Variants in FAM24B observed in about 807,000 individuals in gnomAD.
FAM24B encodes the protein protein FAM24B.
A neutral mutation model predicts 2.3 loss-of-function variants in FAM24B; 3 were observed. That is an observed-to-expected ratio of 1.29 (90% CI 0.59 to 3.32). The LOEUF is 3.32. FAM24B is among the 30% of genes most tolerant of loss of function. The pLI, the probability that FAM24B is intolerant of heterozygous loss-of-function variation, is 0.03. For synonymous variants in FAM24B, 36 were observed against 46.3 expected, an observed-to-expected ratio of 0.78 and a Z score of 0.90; for missense variants, 98 against 117.2, an observed-to-expected ratio of 0.84 and a Z score of 0.76.
chr10:122,853,531 T>C (rs922946249), intron 2 of FAM24B, among the ~76,000 whole-genome samples: 1 of 152,154 alleles, frequency 6.6e-6, no homozygotes, highest in Non-Finnish European at 1.5e-5. Flanking sequence ...TCCACCTCTC[T>C]CCCTCCCGTG....
intron 2 of FAM24B, among the ~76,000 whole-genome samples, chr10:122,852,568 T>G (rs1033764735): frequency 6.6e-6 from 1 of 152,150 alleles, no homozygotes; most frequent in Non-Finnish European, 1.5e-5. Context: ...ATAAAAGTCA[T>G]GAAATTTCAC....
intron 1 of FAM24B, among the ~76,000 whole-genome samples, chr10:122,879,190 T>C (rs111685118): frequency 0.018 from 2,701 of 152,300 alleles, 37 homozygotes; most frequent in Middle Eastern, 0.044. Flanking sequence ...CGCCGTAGGA[T>C]CAGGGAGCAT....
At chr10:122,863,308 T>A (rs912296542) in intron 1 of FAM24B, among the ~76,000 whole-genome samples, 1 of 152,208 alleles carries the variant, frequency 6.6e-6, no homozygotes, top group African/African-American at 2.4e-5. Context: ...TAGGTAATAC[T>A]ATTATCATCC....
At chr10:122,853,131 T>C (rs1480549243) in intron 2 of FAM24B, among the ~76,000 whole-genome samples, 4 of 152,204 alleles carry the variant, frequency 2.6e-5, no homozygotes, top group South Asian at 2.1e-4. Flanking sequence ...TTGTTTTATA[T>C]ATAATGTCCA....
At chr10:122,867,083 A>G (rs1214540775) in intron 1 of FAM24B, among the ~76,000 whole-genome samples, 1 of 152,228 alleles carries the variant, frequency 6.6e-6, no homozygotes, top group Non-Finnish European at 1.5e-5. Flanking sequence ...TGATATGAAT[A>G]AAGTTTTAGT....
At chr10:122,879,612 T>G (rs1010707346), upstream of FAM24B, 1 of 153,050 alleles carries the variant, frequency 6.5e-6, no homozygotes, top group Non-Finnish European at 1.5e-5. Context: ...CTCCAAAGGC[T>G]GAGCGAGGGC....
rs1046757008 is a variant in FAM24B, at chr10:122,855,641, T to A, written c.-36+4A>T. 1 of 152,196 alleles carries A rather than the reference T, an allele frequency of 6.6e-6. No individual in the cohort carries two copies. The highest frequency in any genetic ancestry group is 1.5e-5 in the Non-Finnish European group (1 of 68,040). The allele number at this position is 152,196 out of a possible 1,614,324, so 9.4% of individuals were successfully genotyped here. ...AAGAGAAGTAACAGTTCATCTTATT[T>A]TACCTGCATAAATAATGGCTCCTCT... On this transcript the variant is annotated splice_donor_region_variant and intron_variant, in intron 2 of 3. Coordinates refer to ENST00000368898, the MANE Select transcript of FAM24B (RefSeq NM_152644.3).
At chr10:122,858,615 C>T (rs1279274885) in intron 1 of FAM24B, among the ~76,000 whole-genome samples, 1 of 152,088 alleles carries the variant, frequency 6.6e-6, no homozygotes, top group South Asian at 2.1e-4. Flanking sequence ...CCTGTGCCCA[C>T]AGCAGGAGAT....
intron 1 of FAM24B, among the ~76,000 whole-genome samples, chr10:122,868,139 A>G (rs1847830861): frequency 6.6e-6 from 1 of 152,242 alleles, no homozygotes; most frequent in Non-Finnish European, 1.5e-5. Context: ...GAACTACGTG[A>G]TAAATGCACA....
At chr10:122,876,268 C>T (rs1847975796) in intron 1 of FAM24B, among the ~76,000 whole-genome samples, 1 of 152,214 alleles carries the variant, frequency 6.6e-6, no homozygotes, top group Admixed American at 6.5e-5. Flanking sequence ...CAGCCCCCTG[C>T]AGATTCACTA....
At chr10:122,863,130 C>T (rs940207448) in intron 1 of FAM24B, among the ~76,000 whole-genome samples, 6 of 152,150 alleles carry the variant, frequency 3.9e-5, no homozygotes, top group African/African-American at 1.4e-4. Context: ...GGACATGTAG[C>T]TTTTTGGCCA....
At chr10:122,859,864 C>T (rs1847699518) in intron 1 of FAM24B, among the ~76,000 whole-genome samples, 1 of 152,042 alleles carries the variant, frequency 6.6e-6, no homozygotes, top group Non-Finnish European at 1.5e-5. Flanking sequence ...CTTTATATGC[C>T]TATATTGACT....
intron 3 of FAM24B, among the ~76,000 whole-genome samples, chr10:122,849,906 A>G (rs1847499331): frequency 6.6e-6 from 1 of 152,132 alleles, no homozygotes; most frequent in South Asian, 2.1e-4. Flanking sequence ...CACACGGTTC[A>G]GCTGTCCCTG....
chr10:122,877,015 A>C (rs1373182388), intron 1 of FAM24B, among the ~76,000 whole-genome samples: 5 of 152,194 alleles, frequency 3.3e-5, no homozygotes, highest in African/African-American at 9.7e-5. Flanking sequence ...ATATATAATA[A>C]ACTTCTCTTT....
chr10:122,850,334 G>T, intron 3 of FAM24B, 90 bp downstream of exon 3: 1 of 1,050,982 alleles, frequency 9.5e-7, no homozygotes, highest in Non-Finnish European at 1.5e-6. Context: ...GCTCCAACAG[G>T]AAGCCCAGGT....
intron 1 of FAM24B, among the ~76,000 whole-genome samples, chr10:122,862,327 T>C (rs1847737620): frequency 6.6e-6 from 1 of 152,218 alleles, no homozygotes; most frequent in African/African-American, 2.4e-5. Context: ...AGAATATAAA[T>C]GCCATGACAA....
chr10:122,868,555 G>T (rs532825679), intron 1 of FAM24B, among the ~76,000 whole-genome samples: 1 of 152,184 alleles, frequency 6.6e-6, no homozygotes, highest in East Asian at 1.9e-4. Context: ...TACCCACAAA[G>T]GGAAGCCCAT....
chr10:122,876,500 G>A (rs984166153), intron 1 of FAM24B, among the ~76,000 whole-genome samples: 1 of 152,204 alleles, frequency 6.6e-6, no homozygotes, highest in African/African-American at 2.4e-5. Context: ...GCTCTGAAAA[G>A]TAAAACTCCC....
intron 1 of FAM24B, among the ~76,000 whole-genome samples, chr10:122,856,290 G>C (rs1173488133): frequency 2.0e-5 from 3 of 152,200 alleles, no homozygotes; most frequent in Non-Finnish European, 4.4e-5. Flanking sequence ...AAGACCAGCA[G>C]TCTCACCCAA....
Sources: gnomAD v4.1 joint callset for allele counts (sites outside exome capture counted in the v4.1 genomes callset) on GRCh38, gnomAD v4.1.1 for gene constraint, MANE v1.5 for transcripts, NCBI Gene and HGNC (gene_info 2026-07-23, HGNC 2026-07-21) for gene names.